TSPAN2: variants seen among roughly 807,000 people sequenced by gnomAD.
TSPAN2 encodes tetraspanin 2.
In TSPAN2, 24 loss-of-function variants were observed where a neutral mutation model predicts 33.3. The observed-to-expected ratio is 0.72, with a 90% CI of 0.52 to 1.01. TSPAN2 has a LOEUF of 1.01. TSPAN2 is among the 50% of genes least tolerant of loss of function. The pLI is 0.00. For missense variants in TSPAN2, 278 were observed against 281.3 expected, an observed-to-expected ratio of 0.99 and a Z score of 0.08; for synonymous variants, 114 against 104.5, an observed-to-expected ratio of 1.09 and a Z score of -0.56.
chr1:115,075,624 T>C (rs1648374833), intron 1 of TSPAN2, among the ~76,000 whole-genome samples: 1 of 152,096 alleles, frequency 6.6e-6, no homozygotes, highest in Non-Finnish European at 1.5e-5. Flanking sequence ...AGTGAGCATG[T>C]CAGTGTCACT....
At chr1:115,082,503 G>T (rs1348879296) in intron 1 of TSPAN2, among the ~76,000 whole-genome samples, 1 of 152,226 alleles carries the variant, frequency 6.6e-6, no homozygotes, top group Non-Finnish European at 1.5e-5. Flanking sequence ...TAGGAAAGCA[G>T]CTGGCACATA....
chr1:115,062,230 GC>G lies in TSPAN2; in HGVS notation c.174del (p.Leu59CysfsTer10). 6.3e-7 allele frequency: 1 copy of G among 1,583,188 alleles called. No homozygotes were observed. The highest frequency in any genetic ancestry group is 1.2e-5 in the South Asian group (1 of 86,876). On this transcript the variant is annotated frameshift_variant and splice_region_variant, in exon 3 of 8. Coordinates refer to ENST00000369516, the MANE Select transcript of TSPAN2 (RefSeq NM_005725.6). LOFTEE classifies it high-confidence loss of function. ...GCCCCGGCTCCAACCAGAACATACA[GC>G]CCTGTGGGGAAGAGGTCAGAGGAGA... ...EDKSPEYFYV[G>X]LYVLVGAGAL...
intron 7 of TSPAN2, among the ~76,000 whole-genome samples, chr1:115,051,997 T>G (rs772764415): frequency 1.3e-5 from 2 of 152,166 alleles, no homozygotes; most frequent in Non-Finnish European, 2.9e-5. Flanking sequence ...TCAGTGAGAC[T>G]CCTTCAGTCT....
chr1:115,062,002 G>A, intron 3 of TSPAN2, 133 bp downstream of exon 3: 1 of 702,550 alleles, frequency 1.4e-6, no homozygotes, highest in Non-Finnish European at 2.4e-6. Context: ...AAGACTGAGG[G>A]AGGAAAAGTG....
At chr1:115,064,806 G>A (rs531824844) in intron 2 of TSPAN2, among the ~76,000 whole-genome samples, 53 of 152,096 alleles carry the variant, frequency 3.5e-4, no homozygotes, top group African/African-American at 8.5e-4. Flanking sequence ...TGGTTGCTTC[G>A]CACCCCGAGA....
At chr1:115,053,183 T>C (rs1342199747) in intron 7 of TSPAN2, among the ~76,000 whole-genome samples, 196 bp downstream of exon 7, 1 of 152,264 alleles carries the variant, frequency 6.6e-6, no homozygotes, top group Non-Finnish European at 1.5e-5. Flanking sequence ...AGTTGAAATT[T>C]CTATTATATT....
chr1:115,075,770 T>C (rs1333921845), intron 1 of TSPAN2, among the ~76,000 whole-genome samples: 1 of 152,174 alleles, frequency 6.6e-6, no homozygotes, highest in African/African-American at 2.4e-5. Context: ...ACATTCTCTC[T>C]TCTCCCTTTA....
At chr1:115,074,066 C>T (rs1483422172) in intron 1 of TSPAN2, among the ~76,000 whole-genome samples, 1 of 152,142 alleles carries the variant, frequency 6.6e-6, no homozygotes, top group Non-Finnish European at 1.5e-5. Context: ...TCTGCTAGCC[C>T]ATCCAGTTGC....
At chr1:115,087,633 AAG>A (rs1648895156) in intron 1 of TSPAN2, among the ~76,000 whole-genome samples, 1 of 151,362 alleles carries the variant, frequency 6.6e-6, no homozygotes, top group Non-Finnish European at 1.5e-5. Flanking sequence ...AAAAAAAAAA[AAG>A]AGAAGGTAGG....
chr1:115,087,615 CAAA>C (rs58524726), intron 1 of TSPAN2, among the ~76,000 whole-genome samples: 9 of 92,206 alleles, frequency 9.8e-5, no homozygotes, highest in South Asian at 3.8e-4. Flanking sequence ...GACTCCGTCT[CAAA>C]AAAAAAAAAA....
chr1:115,072,756 C>T (rs1648231196), intron 2 of TSPAN2, 149 bp downstream of exon 2: 1 of 674,714 alleles, frequency 1.5e-6, no homozygotes, highest in Non-Finnish European at 2.6e-6. Context: ...TACACCAGTG[C>T]ACAGGGGCTC....
Position 115,055,482 on chromosome 1 carries a change from T to A in TSPAN2, c.517-2020A>T, listed in dbSNP as rs12062690. On this transcript the variant is annotated intron_variant, in intron 6 of 7. Transcript: ENST00000369516. ...AAACTTAATATTACAACTTTAAAAA[T>A]GCCTTGTTTCACTAAAAATTTCTTT... Among the ~76,000 whole-genome samples, 727 of 152,258 alleles carry A rather than the reference T, an allele frequency of 4.8e-3. 8 individuals are homozygous for A. The highest frequency in any genetic ancestry group is 0.016 in the African/African-American group (685 of 41,560).
intron 4 of TSPAN2, 76 bp from the exon 5 acceptor site, chr1:115,059,057 T>C: frequency 8.9e-7 from 1 of 1,121,464 alleles, no homozygotes; most frequent in East Asian, 2.3e-5. Context: ...AAGGAAAATC[T>C]CCTCTTCCAC....
chr1:115,062,171 G>C lies in TSPAN2; in HGVS notation c.234C>G (p.Cys78Trp). ...CACATTGCGACTCCCGCATGGCTCCGCAGCACCCGAAGAACCCCACGGCCA... is the reference window on the plus strand; with the variant it reads ...CACATTGCGACTCCCGCATGGCTCCCCAGCACCCGAAGAACCCCACGGCCA... Reference protein sequence around the residue: ...LMMAVGFFGCCGAMRESQCVL... With the variant: ...LMMAVGFFGCWGAMRESQCVL... Residue 78 changes from cysteine to tryptophan, a missense_variant, in exon 3 of 8, where the codon TGC becomes TGG. Transcript: ENST00000369516. 6.3e-7 allele frequency: 1 copy of C among 1,586,818 alleles called. No individual in the cohort carries two copies. The highest frequency in any genetic ancestry group is 8.6e-7 in the Non-Finnish European group (1 of 1,165,740).
intron 2 of TSPAN2, among the ~76,000 whole-genome samples, chr1:115,068,318 C>A (rs534228164): frequency 6.6e-6 from 1 of 152,276 alleles, no homozygotes; most frequent in African/African-American, 2.4e-5. Flanking sequence ...GGAAAGAGAA[C>A]CAAGGATGCC....
intron 1 of TSPAN2, among the ~76,000 whole-genome samples, chr1:115,089,096 A>T (rs1476681807): frequency 6.6e-6 from 1 of 152,116 alleles, no homozygotes; most frequent in Non-Finnish European, 1.5e-5. Context: ...ATAAAAACCA[A>T]GGCAGGTGGG....
intron 1 of TSPAN2, among the ~76,000 whole-genome samples, chr1:115,084,872 G>A (rs1241305009): frequency 6.6e-6 from 1 of 152,134 alleles, no homozygotes; most frequent in East Asian, 1.9e-4. Context: ...ACCCAAAGCT[G>A]TATTAATAAT....
chr1:115,089,323 G>A (rs1273329413), intron 1 of TSPAN2, 41 bp downstream of exon 1: 2 of 954,684 alleles, frequency 2.1e-6, no homozygotes, highest in Non-Finnish European at 3.1e-6. Flanking sequence ...CCCGCCACCC[G>A]GCCCCCTGCC....
At chr1:115,070,374 C>CT (rs35027846) in intron 2 of TSPAN2, among the ~76,000 whole-genome samples, 80,122 of 139,186 alleles carry the variant, frequency 0.58, 23,431 homozygotes, top group South Asian at 0.76. Context: ...CAATAATCTG[C>CT]TTTTTTTTTT....
Sources: gnomAD v4.1 joint callset for allele counts (sites outside exome capture counted in the v4.1 genomes callset) on GRCh38, gnomAD v4.1.1 for gene constraint, MANE v1.5 for transcripts, NCBI Gene and HGNC (gene_info 2026-07-23, HGNC 2026-07-21) for gene names.